Variants in ZNF605 observed in about 807,000 individuals in gnomAD.
ZNF605 encodes zinc finger protein 605.
In ZNF605, 9 loss-of-function variants were observed where a neutral mutation model predicts 7.9. That is an observed-to-expected ratio of 1.14 (90% CI 0.68 to 1.98). The LOEUF is 1.98. Ranked by LOEUF, ZNF605 falls within the 30% of genes most tolerant of loss-of-function variation. The pLI is 0.00. For synonymous variants in ZNF605, 255 were observed against 260.1 expected (o/e 0.98, Z 0.19); for missense variants, 673 against 762.4 (o/e 0.88, Z 1.38).
chr12:132,929,728 C>T (rs1020597516), intron 4 of ZNF605, among the ~76,000 whole-genome samples: 2 of 151,940 alleles, frequency 1.3e-5, no homozygotes, highest in African/African-American at 4.8e-5. Flanking sequence ...AGGCAGATCA[C>T]GAGGTCAAGG....
intron 3 of ZNF605, among the ~76,000 whole-genome samples, chr12:132,936,737 C>A (rs1952370817): frequency 6.6e-6 from 1 of 151,900 alleles, no homozygotes; most frequent in African/African-American, 2.4e-5. Context: ...GGATCACAGA[C>A]CTAAACATAA....
chr12:132,926,763 T>G lies in ZNF605; in HGVS notation c.536A>C (p.Asn179Thr). Residue 179 changes from asparagine to threonine, a missense_variant, in exon 5 of 5, where the codon AAC becomes ACC. Coordinates refer to ENST00000360187, the MANE Select transcript of ZNF605 (RefSeq NM_183238.4). ...YLCMECGRFFNKKSQLVIHQR... is the reference protein window; with the variant it reads ...YLCMECGRFFTKKSQLVIHQR... ...GTGTATAACAAGTTGTGACTTCTTGTTAAAAAATCTGCCACATTCCATGCA... is the reference window on the plus strand; with the variant it reads ...GTGTATAACAAGTTGTGACTTCTTGGTAAAAAATCTGCCACATTCCATGCA... The G allele has an allele frequency of 6.2e-7, 1 of 1,613,940 alleles. No individual in the cohort carries two copies. The highest frequency in any genetic ancestry group is 8.5e-7 in the Non-Finnish European group (1 of 1,179,806).
At chr12:132,952,437 G>A (rs1433754171) in intron 1 of ZNF605, among the ~76,000 whole-genome samples, 1 of 145,886 alleles carries the variant, frequency 6.9e-6, no homozygotes, top group African/African-American at 2.5e-5. Flanking sequence ...CTCAAGCATG[G>A]GCGACTCTGT....
At chr12:132,939,763 A>C (rs1202435775) in intron 3 of ZNF605, among the ~76,000 whole-genome samples, 10 of 152,124 alleles carry the variant, frequency 6.6e-5, no homozygotes, top group African/African-American at 2.4e-4. Context: ...CTTTGCAATA[A>C]ATCTTGCTAC....
intron 4 of ZNF605, 200 bp downstream of exon 4, chr12:132,932,835 C>T: frequency 1.3e-6 from 2 of 1,496,544 alleles, no homozygotes; most frequent in Non-Finnish European, 1.8e-6. Context: ...AGGACTTGGA[C>T]CTAACTGCCT....
chr12:132,920,715 G>C lies in ZNF605; in HGVS notation c.*4658C>G, dbSNP rs772107734. The C allele has an allele frequency of 6.6e-6, 1 of 152,174 alleles. No homozygotes were observed. The highest frequency in any genetic ancestry group is 1.5e-5 in the Non-Finnish European group (1 of 68,048). The allele number at this position is 152,174 out of a possible 1,614,324, so 9.4% of individuals were successfully genotyped here. On this transcript the variant is annotated 3_prime_UTR_variant, in exon 5 of 5. Coordinates refer to ENST00000360187, the MANE Select transcript of ZNF605 (RefSeq NM_183238.4). ...AGGCAAGGTTTCACTCTGTCACTCA[G>C]GCTGGAATGCAGTGGCCCCATCATG...
intron 1 of ZNF605, among the ~76,000 whole-genome samples, chr12:132,953,454 G>A (rs1952594330): frequency 6.6e-6 from 1 of 152,172 alleles, no homozygotes; most frequent in African/African-American, 2.4e-5. Flanking sequence ...TTAAGATGGA[G>A]TCTCACTCTG....
rs1255421538 is a variant in ZNF605 at position 132,933,417 on chromosome 12, T to G, written c.16-262A>C. ...AATGCAACTTCTATCCTGGGCACTC[T>G]CTCTCTCTGGAGGAGTCTGGCTGCT... On this transcript the variant is annotated intron_variant, in intron 3 of 4. Coordinates refer to ENST00000360187, the MANE Select transcript of ZNF605 (RefSeq NM_183238.4). This position sits in a 1 kb window ranked among gnomAD's most constrained non-coding sequence, Gnocchi z 4.4. Among the ~76,000 whole-genome samples, 6 of 152,208 alleles carry G rather than the reference T, an allele frequency of 3.9e-5. No homozygotes were observed. The highest frequency in any genetic ancestry group is 2.6e-4 in the Admixed American group (4 of 15,278).
At chr12:132,950,265 A>G (rs2137162711) in intron 1 of ZNF605, among the ~76,000 whole-genome samples, 1 of 152,158 alleles carries the variant, frequency 6.6e-6, no homozygotes, top group East Asian at 1.9e-4. Context: ...CTGAGTCCAA[A>G]AGCAGCCACC....
intron 4 of ZNF605, among the ~76,000 whole-genome samples, chr12:132,931,832 G>A (rs1952311730): frequency 6.6e-6 from 1 of 152,342 alleles, no homozygotes; most frequent in Admixed American, 6.5e-5. Context: ...AACATCAAAT[G>A]TACCAGAAAG....
At position 132,920,536 on chromosome 12, in the gene ZNF605, TAAAG is replaced by T. The variant is rs1952196343; in HGVS notation, c.*4833_*4836del. 1.3e-5 allele frequency: 2 copies of T among 152,208 alleles called. No individual in the cohort carries two copies. The highest frequency in any genetic ancestry group is 4.1e-4 in the South Asian group (2 of 4,836). 9.4% of individuals were successfully genotyped at this position (152,208 alleles called of 1,614,324 possible). A position where few individuals can be genotyped will look rare whatever the true frequency, so the allele number is the denominator to read the frequency against. ...AGTTGCAAAGATCCCATAAGGGAAA[TAAAG>T]AATTATTAAATATCATCACCAACTT... On this transcript the variant is annotated 3_prime_UTR_variant, in exon 5 of 5. Coordinates refer to ENST00000360187, the MANE Select transcript of ZNF605 (RefSeq NM_183238.4).
At chr12:132,954,603 A>G (rs1033956043) in intron 1 of ZNF605, among the ~76,000 whole-genome samples, 6 of 151,000 alleles carry the variant, frequency 4.0e-5, no homozygotes, top group Non-Finnish European at 8.9e-5. Context: ...GACCCCCTAA[A>G]TTAGACCCCA....
Position 132,925,896 on chromosome 12 carries a change from T to C in ZNF605, c.1403A>G (p.Gln468Arg). 4 of 1,614,196 alleles carry C rather than the reference T, an allele frequency of 2.5e-6. No individual in the cohort carries two copies. The highest frequency in any genetic ancestry group is 3.4e-6 in the Non-Finnish European group (4 of 1,180,018). ...FTQKSSLISH[Q>R]RTHTGEKPYE... ...GGGTTTCTCACCTGTATGTGTTCTC[T>C]GATGTGATATCAGGCTTGACTTCTG... is the stretch of plus-strand genomic sequence containing the variant. Residue 468 changes from glutamine (Q) to arginine (R), a missense_variant, in exon 5 of 5, where the codon CAG becomes CGG. Physicochemically the swap from Gln to Arg is conservative, Grantham distance 43. Coordinates refer to ENST00000360187, the MANE Select transcript of ZNF605 (RefSeq NM_183238.4).
rs187328084 is a variant in ZNF605, at chr12:132,925,805, G to A, written c.1494C>T (p.Thr498=). The change falls in exon 5 of 5, where the codon ACC becomes ACT. Residue 498 remains threonine, a synonymous_variant. Coordinates refer to ENST00000360187, the MANE Select transcript of ZNF605 (RefSeq NM_183238.4). ...EKSSLIHHQR[T]HTGEKPFECS... is the part of the protein sequence containing the mutation. ...ATTCAAAGGGCTTTTCTCCAGTATG[G>A]GTTCTCTGATGATGAATGAGACTTG... is the stretch of plus-strand genomic sequence containing the variant. 6 of 1,613,968 alleles carry A rather than the reference G, an allele frequency of 3.7e-6. No individual in the cohort carries two copies. In the Admixed American group the frequency reaches 8.3e-5, roughly 22 times the overall value.
intron 4 of ZNF605, among the ~76,000 whole-genome samples, chr12:132,929,051 A>AC (rs1555278767): frequency 1.0e-4 from 15 of 149,656 alleles, no homozygotes; most frequent in Non-Finnish European, 1.5e-4. Context: ...AAACAAAAAA[A>AC]CCCCAAAAAC....
intron 1 of ZNF605, among the ~76,000 whole-genome samples, chr12:132,955,225 G>A (rs894358457): frequency 2.5e-4 from 38 of 152,290 alleles, no homozygotes; most frequent in African/African-American, 7.9e-4. Context: ...TTCACAGAGA[G>A]GTGTGAACAA....
chr12:132,925,090 T>C lies in ZNF605; in HGVS notation c.*283A>G, dbSNP rs1017587768. 30 of 303,830 alleles carry C rather than the reference T, an allele frequency of 9.9e-5. No homozygotes were observed. Among genetic ancestry groups the C allele is most frequent in the African/African-American group, 6.1e-4 (28 of 46,252 alleles). The allele number at this position is 303,830 out of a possible 1,614,324, so 18.8% of individuals were successfully genotyped here. ...TCTAAACATTTAATAAACTGACTTT[T>C]GACTAAAAGCTTCTCTACTATCACA... On this transcript the variant is annotated 3_prime_UTR_variant, in exon 5 of 5. Coordinates refer to ENST00000360187, the MANE Select transcript of ZNF605 (RefSeq NM_183238.4).
intron 3 of ZNF605, among the ~76,000 whole-genome samples, chr12:132,943,332 C>T (rs1952463726): frequency 2.0e-5 from 3 of 149,662 alleles, no homozygotes; most frequent in South Asian, 2.1e-4. Flanking sequence ...GCACTCCAGT[C>T]TAGGCGACAG....
At chr12:132,940,913 C>T (rs1001933508) in intron 3 of ZNF605, among the ~76,000 whole-genome samples, 6 of 147,560 alleles carry the variant, frequency 4.1e-5, no homozygotes, top group African/African-American at 1.2e-4. Context: ...CGTTTGAGGT[C>T]CCCTGTGTCT....
Sources: gnomAD v4.1 joint callset for allele counts (sites outside exome capture counted in the v4.1 genomes callset) on GRCh38, gnomAD v4.1.1 for gene constraint, Gnocchi (gnomAD v3.1) non-coding constraint, MANE v1.5 for transcripts, NCBI Gene and HGNC (gene_info 2026-07-23, HGNC 2026-07-21) for gene names.